Variants in EYA1 observed in about 807,000 individuals in gnomAD.
EYA1 encodes the protein protein phosphatase EYA1.
A neutral mutation model predicts 82.0 loss-of-function variants in EYA1; 16 were observed. The ratio of observed to expected loss-of-function variants is 0.20; its 90% CI spans 0.13 to 0.30. The LOEUF (loss-of-function observed/expected upper bound fraction) is 0.30. EYA1 is among the 10% of genes least tolerant of loss of function. EYA1 has a pLI of 1.00. For synonymous variants in EYA1, 261 were observed against 264.4 expected (o/e 0.99, Z 0.12); for missense variants, 633 against 730.7 (o/e 0.87, Z 1.54).
At chr8:71,406,565 G>A (rs1379407098) in intron 2 of EYA1, among the ~76,000 whole-genome samples, 2 of 152,200 alleles carry the variant, frequency 1.3e-5, no homozygotes, top group Non-Finnish European at 1.5e-5. Context: ...CCCTTGGGAA[G>A]CACAAGGGGT....
intron 2 of EYA1, among the ~76,000 whole-genome samples, chr8:71,406,746 G>A (rs1830260663): frequency 6.6e-6 from 1 of 151,034 alleles, no homozygotes; most frequent in South Asian, 2.1e-4. Flanking sequence ...CTCGCTGATT[G>A]CTAGCACAGC....
At chr8:71,209,695 G>T (rs1442590138) in intron 17 of EYA1, among the ~76,000 whole-genome samples, 5 of 152,178 alleles carry the variant, frequency 3.3e-5, no homozygotes, top group African/African-American at 4.8e-5. Flanking sequence ...AAATATTCCA[G>T]AAGGGCTGAG....
intron 7 of EYA1, 21 bp downstream of exon 7, chr8:71,317,531 T>C: frequency 1.9e-6 from 3 of 1,613,150 alleles, no homozygotes; most frequent in Non-Finnish European, 2.5e-6. Context: ...TTAAGGAAAA[T>C]AGCAATGTGT....
At chr8:71,546,837 C>T (rs1265909713) in intron 1 of EYA1, among the ~76,000 whole-genome samples, 1 of 152,174 alleles carries the variant, frequency 6.6e-6, no homozygotes, top group Non-Finnish European at 1.5e-5. Context: ...ATTCACGCTT[C>T]ATGACACATT....
intron 2 of EYA1, among the ~76,000 whole-genome samples, chr8:71,486,980 A>C (rs11987240): frequency 0.21 from 15,602 of 72,918 alleles, 3,149 homozygotes; most frequent in African/African-American, 0.53. Context: ...AGGTAAGACT[A>C]ATTATTCTCT....
At chr8:71,270,661 T>C (rs996709883) in intron 10 of EYA1, among the ~76,000 whole-genome samples, 2 of 152,232 alleles carry the variant, frequency 1.3e-5, no homozygotes, top group Non-Finnish European at 1.5e-5. Context: ...AGAAACTTAG[T>C]TGCAGTGGAT....
intron 2 of EYA1, among the ~76,000 whole-genome samples, chr8:71,410,406 G>C (rs2129139574): frequency 1.1e-5 from 1 of 88,696 alleles, no homozygotes; most frequent in East Asian, 2.8e-4. Flanking sequence ...AGGAAATAAA[G>C]GGTATTCAAT....
intron 2 of EYA1, among the ~76,000 whole-genome samples, chr8:71,457,381 T>C (rs943554674): frequency 6.6e-6 from 1 of 152,146 alleles, no homozygotes; most frequent in Non-Finnish European, 1.5e-5. Flanking sequence ...GAACTAGAAA[T>C]ACCATTTGAC....
chr8:71,485,233 T>C (rs1455674902), intron 2 of EYA1, among the ~76,000 whole-genome samples: 1 of 152,172 alleles, frequency 6.6e-6, no homozygotes, highest in Non-Finnish European at 1.5e-5. Flanking sequence ...TGACCAAAGA[T>C]TCATGTATTT....
At chr8:71,361,612 C>T in intron 1 of EYA1, 35 bp downstream of exon 1, 1 of 950,946 alleles carries the variant, frequency 1.1e-6, no homozygotes. Context: ...TGTTGTCAGT[C>T]ACTACAATTT....
At chr8:71,415,026 A>G (rs1337077398) in intron 2 of EYA1, among the ~76,000 whole-genome samples, 1 of 152,198 alleles carries the variant, frequency 6.6e-6, no homozygotes, top group East Asian at 1.9e-4. Flanking sequence ...AAAACTTGTA[A>G]AACAGAAATT....
intron 2 of EYA1, among the ~76,000 whole-genome samples, chr8:71,467,197 T>C (rs76025506): frequency 0.097 from 14,713 of 152,062 alleles, 1,521 homozygotes; most frequent in East Asian, 0.48. Flanking sequence ...AAAAAATAGA[T>C]AGAATTTAAA....
chr8:71,231,124 G>A (rs1481791), intron 12 of EYA1, among the ~76,000 whole-genome samples: 14 of 151,932 alleles, frequency 9.2e-5, no homozygotes, highest in African/African-American at 1.5e-4. Flanking sequence ...ATAGTTACAC[G>A]GAATAGATCT....
rs1806622259 is a variant in EYA1, at chr8:71,199,288, G to T, written c.*52C>A. On this transcript the variant is annotated 3_prime_UTR_variant, in exon 18 of 18. Coordinates refer to ENST00000340726, the MANE Select transcript of EYA1 (RefSeq NM_000503.6). Reference sequence around the variant, plus strand: ...GCTGATGCGAGACTGGGGCCTGCTGGATCTGTCCCTGGTCACAGAGCAGCT... The same window carrying T: ...GCTGATGCGAGACTGGGGCCTGCTGTATCTGTCCCTGGTCACAGAGCAGCT... 7.4e-6 allele frequency: 10 copies of T among 1,353,092 alleles called. No homozygotes were observed. The highest frequency in any genetic ancestry group is 7.2e-5 in the East Asian group (3 of 41,662). 83.8% of individuals were successfully genotyped at this position (1,353,092 alleles called of 1,614,324 possible). A position where few individuals can be genotyped will look rare whatever the true frequency, so the allele number is the denominator to read the frequency against.
intron 2 of EYA1, among the ~76,000 whole-genome samples, chr8:71,412,543 TATG>T (rs1374848197): frequency 1.3e-5 from 2 of 152,186 alleles, no homozygotes; most frequent in Non-Finnish European, 2.9e-5. Flanking sequence ...GATAAAATAA[TATG>T]ATGTCTGAAC....
intron 2 of EYA1, among the ~76,000 whole-genome samples, chr8:71,474,525 A>G (rs1366719313): frequency 1.3e-5 from 2 of 152,208 alleles, no homozygotes; most frequent in Non-Finnish European, 2.9e-5. Context: ...CACAACTATC[A>G]CAGAATACAC....
chr8:71,354,606 G>T (rs912161236), intron 3 of EYA1, among the ~76,000 whole-genome samples, 176 bp downstream of exon 3: 11 of 152,190 alleles, frequency 7.2e-5, no homozygotes, highest in African/African-American at 2.6e-4. Flanking sequence ...TACAATAACT[G>T]GAAACATGAA....
At chr8:71,413,600 T>C (rs1046177552) in intron 2 of EYA1, among the ~76,000 whole-genome samples, 2 of 152,202 alleles carry the variant, frequency 1.3e-5, no homozygotes, top group Non-Finnish European at 2.9e-5. Context: ...TGTCACAAAT[T>C]ATATAAATAG....
At chr8:71,255,222 AT>A (rs1248871146) in intron 11 of EYA1, among the ~76,000 whole-genome samples, 1 of 152,148 alleles carries the variant, frequency 6.6e-6, no homozygotes, top group Non-Finnish European at 1.5e-5. Flanking sequence ...CCCCAATAGT[AT>A]TTTTTTGCAG....
Sources: allele counts gnomAD v4.1 joint callset (sites outside exome capture counted in the v4.1 genomes callset), GRCh38; gene constraint gnomAD v4.1.1; transcripts MANE v1.5; gene names NCBI Gene and HGNC (gene_info 2026-07-23, HGNC 2026-07-21).